PDE10A: variants seen among roughly 807,000 people sequenced by gnomAD.
PDE10A encodes the protein phosphodiesterase 10A.
Under a neutral mutation model 97.7 loss-of-function variants are expected in PDE10A, and 39 were observed. That is an observed-to-expected ratio of 0.40 (90% CI 0.31 to 0.52). The LOEUF is 0.52. Among genes scored for constraint, PDE10A ranks in the 20% least tolerant of loss-of-function variants. PDE10A has a pLI of 0.56. For synonymous variants in PDE10A, 371 were observed against 376.8 expected (o/e 0.98, Z 0.18); for missense variants, 731 against 1,047.8 (o/e 0.70, Z 4.17).
chr6:165,337,032 C>A lies in PDE10A; in HGVS notation c.2977-821G>T, dbSNP rs182022849. On this transcript the variant is annotated intron_variant, in intron 20 of 21. Coordinates refer to ENST00000539869, the MANE Select transcript of PDE10A (RefSeq NM_001385079.1). The stretch of plus-strand genomic sequence containing the variant: ...TGTGGTGTCCCAATATTTACTCATC[C>A]TCCCAGCCCTCTTATTTGAACTAAA... 2.0e-3 allele frequency among the ~76,000 whole-genome samples: 307 copies of A among 152,162 alleles called. 3 individuals are homozygous for A. The highest frequency in any genetic ancestry group is 0.012 in the South Asian group (58 of 4,822).
rs1218597083 is a variant in PDE10A at position 165,435,246 on chromosome 6, G to A, written c.1326C>T (p.Asp442=). 1 of 1,613,412 alleles carries A rather than the reference G, an allele frequency of 6.2e-7. No homozygotes were observed. The change falls in exon 6 of 22, where the codon GAC becomes GAT. Residue 442 remains aspartate (D), a synonymous_variant. Coordinates refer to ENST00000539869, the MANE Select transcript of PDE10A (RefSeq NM_001385079.1). Reference sequence around the variant, plus strand: ...TCAAAAAGCCACTTACTCCAAGGATGTCTTCTACTAGCAGTGTTTTCCTGG... The same window carrying A: ...TCAAAAAGCCACTTACTCCAAGGATATCTTCTACTAGCAGTGTTTTCCTGG... ...AKSRKTLLVE[D]ILGDERFPRG... is the part of the protein sequence containing the mutation.
chr6:165,856,279 C>G (rs999476880), intron 1 of PDE10A, among the ~76,000 whole-genome samples: 4 of 152,190 alleles, frequency 2.6e-5, no homozygotes, highest in Non-Finnish European at 4.4e-5. Flanking sequence ...AGAACTCAAG[C>G]CCTCATCTAG....
chr6:165,348,085 C>T (rs957189012), intron 18 of PDE10A, among the ~76,000 whole-genome samples: 1 of 151,990 alleles, frequency 6.6e-6, no homozygotes, highest in Admixed American at 6.6e-5. Context: ...GGAAGTGGAG[C>T]AAAGGGATTG....
chr6:165,623,778 C>T (rs750887524), intron 1 of PDE10A, among the ~76,000 whole-genome samples: 8 of 101,638 alleles, frequency 7.9e-5, no homozygotes, highest in Non-Finnish European at 1.5e-4. Flanking sequence ...TTTAGAAACA[C>T]TCTCTTCCTG....
rs1781116857 is a variant in PDE10A, at chr6:165,327,602, A to G, written c.*5423T>C. On this transcript the variant is annotated 3_prime_UTR_variant, in exon 22 of 22. Transcript: ENST00000539869. ...TTTTAAATACAAAGACTGCAAATGA[A>G]TACATGAAAAAATTACACACATGTA... The G allele has an allele frequency of 6.6e-6, 1 of 152,246 alleles. No individual in the cohort carries two copies. The highest frequency in any genetic ancestry group is 2.1e-4 in the South Asian group (1 of 4,824). The allele number at this position is 152,246 out of a possible 1,614,324, so 9.4% of individuals were successfully genotyped here.
At chr6:165,428,088 T>G (rs183705601) in intron 10 of PDE10A, among the ~76,000 whole-genome samples, 1 of 152,192 alleles carries the variant, frequency 6.6e-6, no homozygotes, top group East Asian at 1.9e-4. Flanking sequence ...AGAAAGAACA[T>G]TTATTAAAGC....
At position 165,642,639 on chromosome 6, in the gene PDE10A, T is replaced by C. The variant is rs79515715; in HGVS notation, c.865+19308A>G. 4.6e-3 allele frequency among the ~76,000 whole-genome samples: 697 copies of C among 152,280 alleles called. 25 individuals carry two copies. In the East Asian group the frequency reaches 0.089, roughly 19 times the overall value. On this transcript the variant is annotated intron_variant, in intron 1 of 21. Coordinates refer to ENST00000539869, the MANE Select transcript of PDE10A (RefSeq NM_001385079.1). ...GCTGAGGAGACTTGTAAGACAGATC[T>C]CAAGTAAAACCATTTGTAGTCCTTA...
intron 2 of PDE10A, among the ~76,000 whole-genome samples, chr6:165,508,073 C>T (rs1231561126): frequency 1.3e-5 from 2 of 151,918 alleles, no homozygotes; most frequent in Non-Finnish European, 2.9e-5. Context: ...TTTTCAAAAA[C>T]GATTTTATGA....
chr6:165,959,382 T>C (rs1784290874), intron 1 of PDE10A, among the ~76,000 whole-genome samples: 1 of 152,174 alleles, frequency 6.6e-6, no homozygotes, highest in Non-Finnish European at 1.5e-5. Context: ...TTTTCTTTCT[T>C]GCACTAATGC....
intron 1 of PDE10A, among the ~76,000 whole-genome samples, chr6:165,676,498 C>T (rs1016863529): frequency 6.6e-6 from 1 of 152,044 alleles, no homozygotes; most frequent in Non-Finnish European, 1.5e-5. Context: ...TTGGAAAGGG[C>T]GTGGTCGGCT....
At chr6:165,366,307 A>G (rs1326820854) in intron 18 of PDE10A, among the ~76,000 whole-genome samples, 1 of 152,210 alleles carries the variant, frequency 6.6e-6, no homozygotes, top group East Asian at 1.9e-4. Context: ...TACAAACATC[A>G]GAAAAGTAGA....
Position 165,569,029 on chromosome 6 carries a change from T to C in PDE10A, c.866-25461A>G, listed in dbSNP as rs143651500. On this transcript the variant is annotated intron_variant, in intron 1 of 21. Transcript: ENST00000539869. ...CTGTGAGTGTAAAGTACATACTGGA[T>C]TTCACAGACAACAGTACAAATGTAA... Among the ~76,000 whole-genome samples, 84 of 152,330 alleles carry C rather than the reference T, an allele frequency of 5.5e-4. 1 individual carries two copies. The East Asian group carries it at 0.015, about 27-fold the overall frequency.
chr6:165,764,189 C>T (rs1212639183), intron 1 of PDE10A, among the ~76,000 whole-genome samples: 1 of 152,184 alleles, frequency 6.6e-6, no homozygotes, highest in Non-Finnish European at 1.5e-5. Flanking sequence ...CCTGAGTCCA[C>T]GCTCTGACAC....
rs143012000 is a variant in PDE10A, at chr6:165,925,039, A to C, written c.-615+62490T>G. Among the ~76,000 whole-genome samples the C allele has an allele frequency of 7.3e-3, 1,106 of 152,296 alleles. 14 individuals carry two copies. The highest frequency in any genetic ancestry group is 0.023 in the African/African-American group (974 of 41,558). On this transcript the variant is annotated intron_variant, in intron 1 of 19. Transcript: ENST00000366882. ...TGTCCGCCAAGGTCTTGAATCTAGA[A>C]CCTATAATGAATTCTCAAAATTTAA...
At chr6:165,370,124 A>G (rs1047783926) in intron 18 of PDE10A, among the ~76,000 whole-genome samples, 1 of 152,206 alleles carries the variant, frequency 6.6e-6, no homozygotes, top group African/African-American at 2.4e-5. Flanking sequence ...CTGCAAAATC[A>G]TGCCAAAATG....
At chr6:165,987,748 G>A (rs553848901) in exon 1 of PDE10A, 2 of 456,480 alleles carry the variant, frequency 4.4e-6, no homozygotes, top group Admixed American at 4.7e-5. Flanking sequence ...CCGCTCAGCA[G>A]GCAGATTCCA....
At chr6:165,398,179 AT>A (rs1324734597) in intron 13 of PDE10A, among the ~76,000 whole-genome samples, 1 of 152,174 alleles carries the variant, frequency 6.6e-6, no homozygotes, top group East Asian at 1.9e-4. Context: ...TGAGAAACAT[AT>A]TCCTTAAGAA....
chr6:165,489,892 G>A (rs949297026), intron 2 of PDE10A, among the ~76,000 whole-genome samples: 3 of 151,992 alleles, frequency 2.0e-5, no homozygotes, highest in African/African-American at 7.3e-5. Context: ...TCTAACAAAT[G>A]CAAAGAAAAA....
chr6:165,690,855 G>A (rs1791251355), intron 1 of PDE10A, among the ~76,000 whole-genome samples: 1 of 152,140 alleles, frequency 6.6e-6, no homozygotes, highest in Admixed American at 6.5e-5. Context: ...GTACATGAGG[G>A]TGCTTCTGGA....
Sources: gnomAD v4.1 joint callset for allele counts (sites outside exome capture counted in the v4.1 genomes callset) on GRCh38, gnomAD v4.1.1 for gene constraint, MANE v1.5 for transcripts, NCBI Gene and HGNC (gene_info 2026-07-23, HGNC 2026-07-21) for gene names.